Variants in ABLIM2 observed in about 807,000 individuals in gnomAD.
ABLIM2 encodes actin binding LIM protein family member 2, also known as actin-binding LIM protein 2.
A neutral mutation model predicts 97.7 loss-of-function variants in ABLIM2; 53 were observed. The observed-to-expected ratio is 0.54, with a 90% CI of 0.44 to 0.68. The LOEUF is 0.68. Among genes scored for constraint, ABLIM2 ranks in the 30% least tolerant of loss-of-function variants. The probability of loss-of-function intolerance (pLI) is 0.00; values close to 1 mark genes in which losing one functional copy is unlikely to be tolerated. For missense variants in ABLIM2, 835 were observed against 867.2 expected (o/e 0.96, Z 0.47); for synonymous variants, 361 against 345.8 (o/e 1.04, Z -0.49).
At chr4:8,093,015 A>G (rs1829679998) in intron 3 of ABLIM2, among the ~76,000 whole-genome samples, 1 of 151,770 alleles carries the variant, frequency 6.6e-6, no homozygotes. Context: ...CGCCTGGCTC[A>G]TTTTTGTATT....
intron 2 of ABLIM2, among the ~76,000 whole-genome samples, chr4:8,102,297 G>A (rs1835035389): frequency 6.6e-6 from 1 of 152,124 alleles, no homozygotes; most frequent in African/African-American, 2.4e-5. Context: ...CTTCCACCAG[G>A]CTTTGCCCAA....
Position 8,127,571 on chromosome 4 carries a change from T to C in ABLIM2, c.11-20934A>G, listed in dbSNP as rs1468095847. On this transcript the variant is annotated intron_variant, in intron 1 of 20. Coordinates refer to ENST00000447017, the MANE Select transcript of ABLIM2 (RefSeq NM_001130083.2). This position sits in a 1 kb window ranked among gnomAD's most constrained non-coding sequence, Gnocchi z 7.3. The stretch of plus-strand genomic sequence containing the variant: ...CCTGTGTCTCCCCCTGGCACCCCCA[T>C]GGAGCGTGGCTGCTTGCAAAGGGCC... 7.8e-6 allele frequency: 10 copies of C among 1,289,540 alleles called. No homozygotes were observed. Among genetic ancestry groups the C allele is most frequent in the Non-Finnish European group, 1.0e-5 (10 of 988,798 alleles). 79.9% of individuals were successfully genotyped at this position (1,289,540 alleles called of 1,614,324 possible). A position where few individuals can be genotyped will look rare whatever the true frequency, so the allele number is the denominator to read the frequency against.
At position 7,992,767 on chromosome 4, in the gene ABLIM2, G is replaced by A. The variant is rs1749916593; in HGVS notation, c.1680+99C>T. The A allele has an allele frequency of 7.3e-7, 1 of 1,370,002 alleles. No individual in the cohort carries two copies. The highest frequency in any genetic ancestry group is 1.4e-5 in the African/African-American group (1 of 69,376). 84.9% of individuals were successfully genotyped at this position (1,370,002 alleles called of 1,614,324 possible). On this transcript the variant is annotated intron_variant, in intron 17 of 20. Coordinates refer to ENST00000447017, the MANE Select transcript of ABLIM2 (RefSeq NM_001130083.2). The surrounding 1 kb of genome is among the most constrained non-coding windows in gnomAD (Gnocchi z 5.7). ...GGCAGGTGGGCCGCGGGGTCCCCGG[G>A]GCCTCTCCTCCTGCTGTGTGGTCAA...
chr4:8,029,574 GAA>G, intron 11 of ABLIM2, 80 bp downstream of exon 11: 1 of 895,438 alleles, frequency 1.1e-6, no homozygotes, highest in Non-Finnish European at 1.4e-6. Context: ...ACTTATAACC[GAA>G]AAAAAAAACT....
rs535030355 is a variant in ABLIM2, at chr4:8,155,005, A to T, written c.10+3675T>A. ...GCTATCGCCAGCCTTAATCACCACC[A>T]TGAGAACAGTATGGGGGAAACCACC... On this transcript the variant is annotated intron_variant, in intron 1 of 20. Transcript: ENST00000447017. This position sits in a 1 kb window ranked among gnomAD's most constrained non-coding sequence, Gnocchi z 4.2. Among the ~76,000 whole-genome samples, 15 of 152,180 alleles carry T rather than the reference A, an allele frequency of 9.9e-5. No homozygotes were observed. The highest frequency in any genetic ancestry group is 3.9e-4 in the Admixed American group (6 of 15,282).
chr4:8,157,695 A>G (rs1578602990), intron 1 of ABLIM2, among the ~76,000 whole-genome samples: 1 of 152,268 alleles, frequency 6.6e-6, no homozygotes, highest in Non-Finnish European at 1.5e-5. Context: ...TTTCTGCACC[A>G]TGGCCAAGGG....
Position 7,999,326 on chromosome 4 carries a change from G to A in ABLIM2, c.1619-6399C>T, listed in dbSNP as rs1755515511. 6.6e-6 allele frequency among the ~76,000 whole-genome samples: 1 copy of A among 152,206 alleles called. No individual in the cohort carries two copies. The highest frequency in any genetic ancestry group is 2.4e-5 in the African/African-American group (1 of 41,460). On this transcript the variant is annotated intron_variant, in intron 16 of 20. Transcript: ENST00000447017. The surrounding 1 kb of genome is among the most constrained non-coding windows in gnomAD (Gnocchi z 4.4). ...GCCTGCCTCGGCCTCCAAAAATGCT[G>A]AGATTACAGGCGTGAGCCACTGCGC...
Position 8,002,014 on chromosome 4 carries a change from G to T in ABLIM2, c.1618+6045C>A, listed in dbSNP as rs1757558933. ...GGACACTGACAAAGAGTAGGCTGGG[G>T]GCCAGGCAGGAGATCACACCTGATT... is the stretch of plus-strand genomic sequence containing the variant. On this transcript the variant is annotated intron_variant, in intron 16 of 20. Transcript: ENST00000447017. This position sits in a 1 kb window ranked among gnomAD's most constrained non-coding sequence, Gnocchi z 6.1. Among the ~76,000 whole-genome samples the T allele has an allele frequency of 6.6e-6, 1 of 152,176 alleles. No individual in the cohort carries two copies. The highest frequency in any genetic ancestry group is 6.5e-5 in the Admixed American group (1 of 15,272).
At chr4:8,027,684 C>G in intron 12 of ABLIM2, 75 bp downstream of exon 12, 1 of 1,228,696 alleles carries the variant, frequency 8.1e-7, no homozygotes. Context: ...ATGCGGCAGA[C>G]ATGGACAGCG....
intron 4 of ABLIM2, among the ~76,000 whole-genome samples, chr4:8,081,135 A>C (rs1819564686): frequency 6.6e-6 from 1 of 151,810 alleles, no homozygotes; most frequent in African/African-American, 2.4e-5. Flanking sequence ...GGTTGAACCC[A>C]ACTGTGACTC....
At position 8,091,300 on chromosome 4, in the gene ABLIM2, TTATATTA is replaced by T. The variant is rs1561323371; in HGVS notation, c.339-3023_339-3017del. On this transcript the variant is annotated intron_variant, in intron 3 of 20. Transcript: ENST00000447017. ...ATATAATTATATATAATATTATATA[TTATATTA>T]TATATATATAATTATATATATATTA... 4.8e-3 allele frequency among the ~76,000 whole-genome samples: 253 copies of T among 52,898 alleles called. 17 individuals carry two copies. Among genetic ancestry groups the T allele is most frequent in the Middle Eastern group, 0.015 (2 of 136 alleles). The allele number at this position is 52,898 out of a possible 152,430, so 34.7% of individuals were successfully genotyped here.
At position 8,032,275 on chromosome 4, in the gene ABLIM2, A is replaced by G. The variant is rs1013013559; in HGVS notation, c.1048-2499T>C. Among the ~76,000 whole-genome samples, 3 of 152,038 alleles carry G rather than the reference A, an allele frequency of 2.0e-5. No individual in the cohort carries two copies. Among genetic ancestry groups the G allele is most frequent in the Admixed American group, 6.5e-5 (1 of 15,278 alleles). ...GAGACACGTCCAGTGTTTCTCCACG[A>G]GGACTGGGTGCTTCCACACAACCCA... On this transcript the variant is annotated intron_variant, in intron 10 of 20. Transcript: ENST00000447017. This position sits in a 1 kb window ranked among gnomAD's most constrained non-coding sequence, Gnocchi z 4.3.
At chr4:7,976,856 T>C (rs138368743) in intron 20 of ABLIM2, among the ~76,000 whole-genome samples, 49 of 151,634 alleles carry the variant, frequency 3.2e-4, no homozygotes, top group African/African-American at 1.0e-3. Context: ...TATACACACA[T>C]ACACGTATAC....
chr4:8,134,950 T>A (rs529127472), intron 1 of ABLIM2, among the ~76,000 whole-genome samples: 2 of 152,308 alleles, frequency 1.3e-5, no homozygotes, highest in South Asian at 4.1e-4. Flanking sequence ...AATCTGAAAG[T>A]ACTTGGGAGC....
chr4:8,056,102 G>C (rs1798878696), intron 7 of ABLIM2, among the ~76,000 whole-genome samples: 2 of 50,804 alleles, frequency 3.9e-5, no homozygotes, highest in African/African-American at 8.1e-5. Flanking sequence ...AACAGAGCAA[G>C]ACTCTGTCTC....
At chr4:8,034,241 T>G (rs1245167377) in intron 10 of ABLIM2, among the ~76,000 whole-genome samples, 1 of 151,826 alleles carries the variant, frequency 6.6e-6, no homozygotes, top group Non-Finnish European at 1.5e-5. Context: ...GGGCATGTGG[T>G]AGGTGGGTAC....
rs1207127634 is a variant in ABLIM2, at chr4:8,044,381, A to G, written c.900+783T>C. 1.3e-5 allele frequency among the ~76,000 whole-genome samples: 2 copies of G among 152,122 alleles called. No individual in the cohort carries two copies. The highest frequency in any genetic ancestry group is 4.8e-5 in the African/African-American group (2 of 41,414). Reference sequence around the variant, plus strand: ...CTGGCGCCTGGGGGTCCTCGCCTAGATAAGGAATTTTGGTATTTACACAAG... The same window carrying G: ...CTGGCGCCTGGGGGTCCTCGCCTAGGTAAGGAATTTTGGTATTTACACAAG... On this transcript the variant is annotated intron_variant, in intron 9 of 20. Coordinates refer to ENST00000447017, the MANE Select transcript of ABLIM2 (RefSeq NM_001130083.2). The surrounding 1 kb of genome is among the most constrained non-coding windows in gnomAD (Gnocchi z 4.4).
In ABLIM2 at chr4:8,124,520, G is replaced by C. The variant is rs918566281; in HGVS notation, c.11-17883C>G. On this transcript the variant is annotated intron_variant, in intron 1 of 20. Coordinates refer to ENST00000447017, the MANE Select transcript of ABLIM2 (RefSeq NM_001130083.2). This position sits in a 1 kb window ranked among gnomAD's most constrained non-coding sequence, Gnocchi z 6.1. ...GGAATCCCACACTGCGTGGTCCTTC[G>C]CGACTGGCTTCTTTCACTCGGCGTC... is the stretch of plus-strand genomic sequence containing the variant. Among the ~76,000 whole-genome samples the C allele has an allele frequency of 2.0e-5, 3 of 152,086 alleles. No individual in the cohort carries two copies. The highest frequency in any genetic ancestry group is 4.4e-5 in the Non-Finnish European group (3 of 68,024).
chr4:8,074,836 AG>A (rs1446811565), intron 6 of ABLIM2, among the ~76,000 whole-genome samples: 27 of 137,242 alleles, frequency 2.0e-4, no homozygotes, highest in African/African-American at 7.5e-4. Context: ...GCTGGAGTGC[AG>A]TGGCGCAGTC....
Sources: allele counts gnomAD v4.1 joint callset (sites outside exome capture counted in the v4.1 genomes callset), GRCh38; gene constraint gnomAD v4.1.1; non-coding constraint Gnocchi (gnomAD v3.1); transcripts MANE v1.5; gene names NCBI Gene and HGNC (gene_info 2026-07-23, HGNC 2026-07-21).